KIAA0232: variants seen among roughly 807,000 people sequenced by gnomAD.
The protein encoded by KIAA0232 is uncharacterized protein KIAA0232.
A neutral mutation model predicts 122.0 loss-of-function variants in KIAA0232; 27 were observed. The observed-to-expected ratio is 0.22, with a 90% CI of 0.16 to 0.31. KIAA0232 has a LOEUF of 0.31. Among genes scored for constraint, KIAA0232 ranks in the 10% least tolerant of loss-of-function variants. The pLI is 1.00. For synonymous variants in KIAA0232, 613 were observed against 587.6 expected (o/e 1.04, Z -0.63); for missense variants, 1,551 against 1,634.2 (o/e 0.95, Z 0.88).
chr4:6,797,139 A>G (rs1365661411), intron 1 of KIAA0232, among the ~76,000 whole-genome samples: 1 of 152,218 alleles, frequency 6.6e-6, no homozygotes, highest in African/African-American at 2.4e-5. Context: ...ACACTTGCAC[A>G]TTTAAGAGCA....
chr4:6,786,109 G>C (rs1429865124), intron 1 of KIAA0232, among the ~76,000 whole-genome samples: 1 of 152,002 alleles, frequency 6.6e-6, no homozygotes, highest in Non-Finnish European at 1.5e-5. Flanking sequence ...GTAAACTCTG[G>C]CTGTGGTGTC....
Position 6,863,409 on chromosome 4 carries a change from A to C in KIAA0232, c.3027A>C (p.Leu1009Phe). Reference protein sequence around the residue: ...NDQPKSGENGLNKGFSFIFHE... With the variant: ...NDQPKSGENGFNKGFSFIFHE... ...AGCCGAAGAGTGGGGAAAATGGGTT[A>C]AATAAGGGATTTTCTTTTATCTTCC... Residue 1009 changes from leucine to phenylalanine, a missense_variant, in exon 7 of 10, where the codon TTA becomes TTC. Transcript: ENST00000307659. The C allele has an allele frequency of 6.2e-7, 1 of 1,614,102 alleles. No homozygotes were observed.
intron 2 of KIAA0232, among the ~76,000 whole-genome samples, chr4:6,821,736 A>G (rs2109022449): frequency 6.6e-6 from 1 of 151,728 alleles, no homozygotes; most frequent in East Asian, 1.9e-4. Context: ...ATATACCACA[A>G]TTTCTTTATC....
In KIAA0232 at chr4:6,802,672, G is replaced by A. The variant is rs374876032; in HGVS notation, c.-353-1851G>A. 1.7e-4 allele frequency among the ~76,000 whole-genome samples: 26 copies of A among 151,712 alleles called. 1 individual carries two copies. The highest frequency in any genetic ancestry group is 5.1e-4 in the African/African-American group (21 of 41,326). ...TCCAACCAGAATGCTTCATCTTCAC[G>A]TCTTCCCCAAGGACATAAAGACAGA... On this transcript the variant is annotated intron_variant, in intron 1 of 9. Coordinates refer to ENST00000307659, the MANE Select transcript of KIAA0232 (RefSeq NM_014743.3).
intron 2 of KIAA0232, among the ~76,000 whole-genome samples, chr4:6,813,584 G>T (rs13103065): frequency 0.78 from 118,604 of 151,572 alleles, 46,995 homozygotes; most frequent in Non-Finnish European, 0.85. Flanking sequence ...GGATGGTCTC[G>T]ATCTCCTGAC....
At chr4:6,854,404 C>T (rs922288943) in intron 4 of KIAA0232, among the ~76,000 whole-genome samples, 4 of 152,188 alleles carry the variant, frequency 2.6e-5, no homozygotes, top group African/African-American at 9.7e-5. Flanking sequence ...ATACATTCCA[C>T]TGAGTCCTCT....
At chr4:6,795,179 T>A (rs2108892238) in intron 1 of KIAA0232, among the ~76,000 whole-genome samples, 1 of 152,302 alleles carries the variant, frequency 6.6e-6, no homozygotes, top group Middle Eastern at 3.4e-3. Flanking sequence ...CATGCCATTC[T>A]CTTGCCTCAG....
chr4:6,862,554 T>C lies in KIAA0232; in HGVS notation c.2172T>C (p.Asn724=), dbSNP rs1470976994. The stretch of plus-strand genomic sequence containing the variant: ...ATTCAGAAGAAACACGTTCAGACAA[T>C]GAAACATTAAATATTCAGTTTGAAG... ...WSHSEETRSD[N]ETLNIQFEES... Residue 724 remains asparagine, a synonymous_variant, in exon 7 of 10, where the codon AAT becomes AAC. Transcript: ENST00000307659. 3 of 1,613,622 alleles carry C rather than the reference T, an allele frequency of 1.9e-6. No individual in the cohort carries two copies. The highest frequency in any genetic ancestry group is 1.7e-6 in the Non-Finnish European group (2 of 1,179,822).
chr4:6,813,651 C>T (rs146537538), intron 2 of KIAA0232, among the ~76,000 whole-genome samples: 75 of 152,256 alleles, frequency 4.9e-4, no homozygotes, highest in East Asian at 2.7e-3. Flanking sequence ...CGTGAGCCAC[C>T]GCGCCTGGCC....
At position 6,880,903 on chromosome 4, in the gene KIAA0232, A is replaced by C; in HGVS notation, c.4125A>C (p.Ser1375=). Residue 1375 remains serine (S), a synonymous_variant, in exon 10 of 10, where the codon TCA becomes TCC. Coordinates refer to ENST00000307659, the MANE Select transcript of KIAA0232 (RefSeq NM_014743.3). ...GCTCCACCTCGGAAGAGACAGGCTC[A>C]GAAGGCGGAGGCGAGTGGGTGGGCC... The part of the protein sequence containing the change: ...SASSTSEETG[S]EGGGEWVGPS... 6.2e-7 allele frequency: 1 copy of C among 1,607,102 alleles called. No individual in the cohort carries two copies. The highest frequency in any genetic ancestry group is 1.1e-5 in the South Asian group (1 of 89,362).
At chr4:6,803,404 A>T (rs1717477193) in intron 1 of KIAA0232, among the ~76,000 whole-genome samples, 1 of 152,178 alleles carries the variant, frequency 6.6e-6, no homozygotes, top group Non-Finnish European at 1.5e-5. Flanking sequence ...ACATTGAAAC[A>T]TGAATGTTCA....
At chr4:6,851,015 T>A (rs908965649) in intron 4 of KIAA0232, among the ~76,000 whole-genome samples, 1 of 152,230 alleles carries the variant, frequency 6.6e-6, no homozygotes, top group Non-Finnish European at 1.5e-5. Flanking sequence ...GTACAGTACT[T>A]TTTCTTGCAT....
chr4:6,856,614 T>A (rs1384683242), intron 4 of KIAA0232, among the ~76,000 whole-genome samples: 3 of 152,130 alleles, frequency 2.0e-5, no homozygotes, highest in Non-Finnish European at 4.4e-5. Context: ...AGCTTTCACA[T>A]TTGCAATATT....
At position 6,858,493 on chromosome 4, in the gene KIAA0232, G is replaced by C; in HGVS notation, c.505G>C (p.Asp169His). ...GGCAGAATTATCCCCTCCAGCAAAGGATCAAGTGGAAATGTATGTAAGATT... is the reference window on the plus strand; with the variant it reads ...GGCAGAATTATCCCCTCCAGCAAAGCATCAAGTGGAAATGTATGTAAGATT... The part of the protein sequence containing the change: ...PEAELSPPAK[D>H]QVEMYYEAFP... Residue 169 changes from aspartate (D) to histidine (H), a missense_variant, in exon 6 of 10, where the codon GAT becomes CAT. Around this residue, in one of 5 missense-constraint regions of KIAA0232, gnomAD observed 377 missense variants for 381.7 expected, o/e 0.99. Transcript: ENST00000307659. 6.2e-7 allele frequency: 1 copy of C among 1,604,362 alleles called. No homozygotes were observed. The highest frequency in any genetic ancestry group is 8.5e-7 in the Non-Finnish European group (1 of 1,174,540).
intron 1 of KIAA0232, among the ~76,000 whole-genome samples, chr4:6,791,539 G>A (rs1716894450): frequency 6.6e-6 from 1 of 151,640 alleles, no homozygotes; most frequent in Admixed American, 6.6e-5. Flanking sequence ...ACGTTACCCA[G>A]GCTGTTCTGG....
At position 6,858,362 on chromosome 4, in the gene KIAA0232, A is replaced by G. The variant is rs151167468; in HGVS notation, c.437-63A>G. 2.4e-4 allele frequency: 237 copies of G among 969,796 alleles called. 1 individual carries two copies. The African/African-American group carries it at 3.6e-3, about 15-fold the overall frequency. 60.1% of individuals were successfully genotyped at this position (969,796 alleles called of 1,614,324 possible). On this transcript the variant is annotated intron_variant, in intron 5 of 9. Transcript: ENST00000307659. ...GTTAAAATTAGTTGAGAAACTTTGA[A>G]ATACATTAGCATTTATTAACTAGAT...
In KIAA0232 at chr4:6,862,178, G is replaced by T. The variant is rs1160577435; in HGVS notation, c.1796G>T (p.Gly599Val). 6.2e-7 allele frequency: 1 copy of T among 1,614,056 alleles called. No homozygotes were observed. The highest frequency in any genetic ancestry group is 8.5e-7 in the Non-Finnish European group (1 of 1,180,038). ...QFWECCSSSS[G>V]DADGESFGGD... ...TGGGAGTGCTGTTCATCCAGCTCCG[G>T]TGATGCTGATGGGGAGAGTTTTGGA... Residue 599 changes from glycine (G) to valine (V), a missense_variant, in exon 7 of 10, where the codon GGT becomes GTT. This residue lies in a region of KIAA0232 where 1,108 missense variants were observed against 1,154.8 expected (regional missense o/e 0.96). Transcript: ENST00000307659.
At chr4:6,812,152 G>C (rs1435273988) in intron 2 of KIAA0232, among the ~76,000 whole-genome samples, 2 of 152,088 alleles carry the variant, frequency 1.3e-5, no homozygotes, top group Non-Finnish European at 2.9e-5. Flanking sequence ...ACGTGGGGAG[G>C]GGCATATGAA....
rs747071501 is a variant in KIAA0232 at position 6,863,316 on chromosome 4, A to C, written c.2934A>C (p.Pro978=). ...CTGGTACAGATGTCTTTATGACCCC[A>C]GGAAACAGTTTTGCTCCTGGGCACA... is the stretch of plus-strand genomic sequence containing the variant. ...TIAGTDVFMT[P]GNSFAPGHRQ... The change falls in exon 7 of 10, where the codon CCA becomes CCC. Residue 978 remains proline, a synonymous_variant. Coordinates refer to ENST00000307659, the MANE Select transcript of KIAA0232 (RefSeq NM_014743.3). 6.2e-7 allele frequency: 1 copy of C among 1,614,048 alleles called. No individual in the cohort carries two copies. Among genetic ancestry groups the C allele is most frequent in the Non-Finnish European group, 8.5e-7 (1 of 1,180,024 alleles).
Sources: gnomAD v4.1 joint callset for allele counts (sites outside exome capture counted in the v4.1 genomes callset) on GRCh38, gnomAD v4.1.1 for gene constraint, gnomAD v4.1.1 regional missense constraint, MANE v1.5 for transcripts, NCBI Gene and HGNC (gene_info 2026-07-23, HGNC 2026-07-21) for gene names.